The following UGGT2 variants were observed in gnomAD, a reference collection of about 807,000 sequenced individuals.
UGGT2 encodes the protein UDP-glucose:glycoprotein glucosyltransferase 2.
A neutral mutation model predicts 192.1 loss-of-function variants in UGGT2; 180 were observed. That is an observed-to-expected ratio of 0.94 (90% CI 0.83 to 1.06). The LOEUF (loss-of-function observed/expected upper bound fraction) is 1.06. Among genes scored for constraint, UGGT2 ranks in the 50% least tolerant of loss-of-function variants. UGGT2 has a pLI of 0.00. For synonymous variants in UGGT2, 580 were observed against 591.0 expected (o/e 0.98, Z 0.27); for missense variants, 1,849 against 1,795.7 (o/e 1.03, Z -0.54).
intron 1 of UGGT2, among the ~76,000 whole-genome samples, chr13:96,046,933 C>T (rs1001256654): frequency 6.6e-6 from 1 of 152,202 alleles, no homozygotes; most frequent in African/African-American, 2.4e-5. Context: ...GGGCACCCGC[C>T]ATTGCTGAGG....
At chr13:95,888,468 C>A (rs1423785721) in intron 25 of UGGT2, among the ~76,000 whole-genome samples, 1 of 152,138 alleles carries the variant, frequency 6.6e-6, no homozygotes. Flanking sequence ...CCCATCTCCA[C>A]ATAGGCAACA....
intron 29 of UGGT2, among the ~76,000 whole-genome samples, chr13:95,867,879 T>C (rs1157612145): frequency 6.6e-6 from 1 of 152,208 alleles, no homozygotes; most frequent in Non-Finnish European, 1.5e-5. Context: ...TTGAAGTACA[T>C]TGTTAAAATA....
intron 38 of UGGT2, among the ~76,000 whole-genome samples, chr13:95,804,867 T>C (rs1449972562): frequency 6.6e-6 from 1 of 152,138 alleles, no homozygotes. Flanking sequence ...AAAATCTTCA[T>C]GACACTGACA....
At chr13:95,949,963 C>A (rs1349082561) in intron 12 of UGGT2, among the ~76,000 whole-genome samples, 1 of 152,114 alleles carries the variant, frequency 6.6e-6, no homozygotes, top group Non-Finnish European at 1.5e-5. Flanking sequence ...GAAGCAACCA[C>A]CAATCAAGAA....
At chr13:95,869,543 ACT>A (rs1348191675) in intron 29 of UGGT2, among the ~76,000 whole-genome samples, 11 of 152,126 alleles carry the variant, frequency 7.2e-5, no homozygotes, top group Non-Finnish European at 1.6e-4. Context: ...ATCCTCAGGC[ACT>A]GTTTTAAGCA....
chr13:96,036,528 A>G (rs1369662031), intron 1 of UGGT2, among the ~76,000 whole-genome samples: 1 of 152,120 alleles, frequency 6.6e-6, no homozygotes, highest in Non-Finnish European at 1.5e-5. Flanking sequence ...ACAAACCTGC[A>G]CATCCTGCAT....
chr13:96,012,428 T>C (rs2052191089), intron 5 of UGGT2, among the ~76,000 whole-genome samples: 2 of 151,752 alleles, frequency 1.3e-5, no homozygotes, highest in African/African-American at 4.8e-5. Flanking sequence ...AAAGATGTCA[T>C]AAACAATTTT....
intron 10 of UGGT2, among the ~76,000 whole-genome samples, chr13:95,974,518 A>T (rs912219964): frequency 6.6e-6 from 1 of 152,200 alleles, no homozygotes; most frequent in African/African-American, 2.4e-5. Context: ...AATGCTCAGA[A>T]AACAGGTAAC....
chr13:95,959,487 C>T (rs2050319894), intron 12 of UGGT2, among the ~76,000 whole-genome samples: 1 of 152,124 alleles, frequency 6.6e-6, no homozygotes, highest in Non-Finnish European at 1.5e-5. Flanking sequence ...AACCATCTTG[C>T]CTGGTTCTAT....
At chr13:95,868,367 G>T (rs1279358841) in intron 29 of UGGT2, among the ~76,000 whole-genome samples, 2 of 152,094 alleles carry the variant, frequency 1.3e-5, no homozygotes, top group African/African-American at 4.8e-5. Flanking sequence ...AGGCTGGGGT[G>T]GGAGAATCGC....
At chr13:96,027,421 G>A (rs1411776078) in intron 2 of UGGT2, among the ~76,000 whole-genome samples, 1 of 152,168 alleles carries the variant, frequency 6.6e-6, no homozygotes, top group South Asian at 2.1e-4. Flanking sequence ...TATTTTGGCT[G>A]ATTTGTTAAA....
rs370868661 is a variant in UGGT2, at chr13:95,890,984, G to A, written c.2856-20C>T. ...ATAACACTAAGAAAATAGAAAATAAGATGAAAGATGACGTGTTAAGTTTAT... is the reference window on the plus strand; with the variant it reads ...ATAACACTAAGAAAATAGAAAATAAAATGAAAGATGACGTGTTAAGTTTAT... On this transcript the variant is annotated intron_variant, in intron 24 of 38. Coordinates refer to ENST00000376747, the MANE Select transcript of UGGT2 (RefSeq NM_020121.4). 1.2e-5 allele frequency: 19 copies of A among 1,532,986 alleles called. No individual in the cohort carries two copies. The highest frequency in any genetic ancestry group is 1.7e-5 in the Admixed American group (1 of 57,324). 95.0% of individuals were successfully genotyped at this position (1,532,986 alleles called of 1,614,324 possible).
In UGGT2 at chr13:95,902,914, T is replaced by C; in HGVS notation, c.2442A>G (p.Ala814=). The change falls in exon 21 of 39, where the codon GCA becomes GCG. Residue 814 remains alanine, a synonymous_variant. Transcript: ENST00000376747. ...AAATAGCTGTAGCAATTTCTTCCTT[T>C]GCCAGTTGCCCAAGAAAGCTTCTCA... is the stretch of plus-strand genomic sequence containing the variant. The part of the protein sequence containing the change: ...MFLRSFLGQL[A]KEEIATAIYS... 6.2e-7 allele frequency: 1 copy of C among 1,613,598 alleles called. No individual in the cohort carries two copies. The highest frequency in any genetic ancestry group is 1.7e-5 in the Admixed American group (1 of 59,976).
At chr13:96,039,030 A>G (rs1174139324) in intron 1 of UGGT2, among the ~76,000 whole-genome samples, 1 of 152,188 alleles carries the variant, frequency 6.6e-6, no homozygotes, top group Admixed American at 6.5e-5. Context: ...CTAATTCCCA[A>G]AGGAAAAAAA....
chr13:95,941,785 A>G (rs2049688693), intron 15 of UGGT2, among the ~76,000 whole-genome samples: 1 of 152,194 alleles, frequency 6.6e-6, no homozygotes, highest in Admixed American at 6.5e-5. Context: ...ATAACAAAAT[A>G]AACAATTCTT....
intron 30 of UGGT2, among the ~76,000 whole-genome samples, chr13:95,864,859 G>T (rs1036582737): frequency 2.0e-5 from 3 of 151,928 alleles, no homozygotes; most frequent in Non-Finnish European, 2.9e-5. Flanking sequence ...TCCAAGAAAG[G>T]GTATGAAAAA....
chr13:95,805,760 A>T (rs1203129104), intron 38 of UGGT2, among the ~76,000 whole-genome samples: 1 of 152,132 alleles, frequency 6.6e-6, no homozygotes, highest in Non-Finnish European at 1.5e-5. Flanking sequence ...GATGTTTGCC[A>T]GGGGCAGGGA....
chr13:95,845,076 C>T (rs540311911), intron 36 of UGGT2, among the ~76,000 whole-genome samples: 22 of 152,030 alleles, frequency 1.4e-4, no homozygotes, highest in African/African-American at 5.3e-4. Flanking sequence ...GTATTTTAGT[C>T]CTTAATATAG....
intron 5 of UGGT2, among the ~76,000 whole-genome samples, chr13:96,012,059 A>G (rs2052178290): frequency 6.6e-6 from 1 of 152,090 alleles, no homozygotes; most frequent in Non-Finnish European, 1.5e-5. Context: ...ATCAAAATAT[A>G]TTTTAAAGCT....
Sources: gnomAD v4.1 joint callset for allele counts (sites outside exome capture counted in the v4.1 genomes callset) on GRCh38, gnomAD v4.1.1 for gene constraint, MANE v1.5 for transcripts, NCBI Gene and HGNC (gene_info 2026-07-23, HGNC 2026-07-21) for gene names.